DNAI7: variants seen among roughly 807,000 people sequenced by gnomAD.
DNAI7 encodes the protein dynein axonemal intermediate chain 7.
In DNAI7, 78 loss-of-function variants were observed where a neutral mutation model predicts 86.6. The ratio of observed to expected loss-of-function variants is 0.90; its 90% CI spans 0.75 to 1.09. The LOEUF is 1.09. Ranked by LOEUF, DNAI7 falls within the 50% of genes least tolerant of loss-of-function variation. The probability of loss-of-function intolerance (pLI) is 0.00; values close to 1 mark genes in which losing one functional copy is unlikely to be tolerated. For missense variants in DNAI7, 753 were observed against 810.2 expected (o/e 0.93, Z 0.86); for synonymous variants, 274 against 273.0 (o/e 1.00, Z -0.04).
intron 2 of DNAI7, among the ~76,000 whole-genome samples, chr12:25,163,930 C>T (rs999258438): frequency 6.6e-6 from 1 of 152,164 alleles, no homozygotes; most frequent in African/African-American, 2.4e-5. Context: ...ATCCATTGAC[C>T]CAAAACTCCG....
intron 2 of DNAI7, among the ~76,000 whole-genome samples, chr12:25,182,033 AT>A (rs36047649): frequency 0.55 from 81,457 of 147,158 alleles, 23,190 homozygotes; most frequent in East Asian, 0.78. Context: ...AAGAAAAGAA[AT>A]TTTTTTTTTT....
intron 15 of DNAI7, among the ~76,000 whole-genome samples, 181 bp downstream of exon 15, chr12:25,109,946 G>A (rs1196620796): frequency 6.6e-6 from 1 of 152,130 alleles, no homozygotes; most frequent in Middle Eastern, 3.2e-3. Flanking sequence ...CCATAGTGCT[G>A]GGATTACAGG....
intron 7 of DNAI7, among the ~76,000 whole-genome samples, chr12:25,149,152 T>C (rs2140909444): frequency 6.6e-6 from 1 of 152,248 alleles, no homozygotes; most frequent in African/African-American, 2.4e-5. Context: ...GGCTAATATA[T>C]ATATTAGGAT....
chr12:25,112,887 T>C (rs1301074409), intron 13 of DNAI7, among the ~76,000 whole-genome samples: 1 of 152,232 alleles, frequency 6.6e-6, no homozygotes, highest in Non-Finnish European at 1.5e-5. Flanking sequence ...ACTAGTCACA[T>C]GCAGTAGCTA....
At chr12:25,138,970 CAAGAA>C (rs1262407455) in intron 9 of DNAI7, among the ~76,000 whole-genome samples, 1 of 150,666 alleles carries the variant, frequency 6.6e-6, no homozygotes, top group Non-Finnish European at 1.5e-5. Context: ...CGAGATTAAC[CAAGAA>C]AAGAAGAGAG....
chr12:25,112,685 C>T (rs902051017), intron 13 of DNAI7, among the ~76,000 whole-genome samples: 7 of 150,274 alleles, frequency 4.7e-5, no homozygotes, highest in African/African-American at 1.2e-4. Context: ...GGATTACAGG[C>T]GTGAGCCACC....
rs1306885895 is a variant in DNAI7 at position 25,114,167 on chromosome 12, T to C, written c.1611+489A>G. ...GTTGGCCAGGCTGGTCTCGAACTGCTGACCTCAGGTGATTGCCCGCCTTGG... is the reference window on the plus strand; with the variant it reads ...GTTGGCCAGGCTGGTCTCGAACTGCCGACCTCAGGTGATTGCCCGCCTTGG... On this transcript the variant is annotated intron_variant, in intron 13 of 15. Coordinates refer to ENST00000395987, the MANE Select transcript of DNAI7 (RefSeq NM_018272.5). Among the ~76,000 whole-genome samples, 6 of 150,412 alleles carry C rather than the reference T, an allele frequency of 4.0e-5. No individual in the cohort carries two copies. The Admixed American group carries it at 4.0e-4, about 10-fold the overall frequency.
intron 2 of DNAI7, among the ~76,000 whole-genome samples, chr12:25,187,692 A>G (rs1225520148): frequency 1.3e-5 from 2 of 152,218 alleles, no homozygotes; most frequent in Non-Finnish European, 2.9e-5. Context: ...TGATGCAGCC[A>G]TGAAAAAGAG....
rs753812252 is a variant in DNAI7 at position 25,158,497 on chromosome 12, T to C, written c.173A>G (p.Glu58Gly). The C allele has an allele frequency of 3.1e-6, 5 of 1,613,166 alleles. No individual in the cohort carries two copies. The Admixed American group carries it at 8.3e-5, about 27-fold the overall frequency. The stretch of plus-strand genomic sequence containing the variant: ...TTTTGCTTCAAGTCGATGCCATTTT[T>C]CTTTCTCAATTCGCTGTATTTCAAG... ...ERLEIQRIEK[E>G]KWHRLEAKDL... The change falls in exon 4 of 16, where the codon GAA (glutamate) becomes GGA (glycine). Residue 58 changes from glutamate to glycine, a missense_variant. Transcript: ENST00000395987.
chr12:25,121,921 T>C lies in DNAI7; in HGVS notation c.1079-8A>G, dbSNP rs756492646. ...CTACCAGCAACAACTGTGCTAAAAT[T>C]AATCAGATTAACAGTTTTCAAATAG... On this transcript the variant is annotated splice_polypyrimidine_tract_variant and splice_region_variant and intron_variant, in intron 10 of 15. Coordinates refer to ENST00000395987, the MANE Select transcript of DNAI7 (RefSeq NM_018272.5). 2.6e-6 allele frequency: 4 copies of C among 1,558,380 alleles called. No homozygotes were observed. Among genetic ancestry groups the C allele is most frequent in the Non-Finnish European group, 2.6e-6 (3 of 1,156,516 alleles).
At chr12:25,162,643 C>T (rs182694352) in intron 2 of DNAI7, among the ~76,000 whole-genome samples, 104 of 152,316 alleles carry the variant, frequency 6.8e-4, no homozygotes, top group African/African-American at 2.4e-3. Context: ...ACTGGAATCT[C>T]TAATCCATTG....
At chr12:25,164,481 G>A (rs1331977033) in intron 2 of DNAI7, among the ~76,000 whole-genome samples, 1 of 151,966 alleles carries the variant, frequency 6.6e-6, no homozygotes, top group East Asian at 1.9e-4. Context: ...ACTCACACCT[G>A]ACCTAAAACC....
rs1449138285 is a variant in DNAI7 at position 25,161,003 on chromosome 12, T to C, written c.106+110A>G. ...AGATAGATACCTATTATAAAACAGATTAAATTTTAAAATTAAAGAACTTTG... is the reference window on the plus strand; with the variant it reads ...AGATAGATACCTATTATAAAACAGACTAAATTTTAAAATTAAAGAACTTTG... On this transcript the variant is annotated intron_variant, in intron 3 of 15. Transcript: ENST00000395987. The C allele has an allele frequency of 1.3e-5, 10 of 770,262 alleles. No individual in the cohort carries two copies. In the East Asian group the frequency reaches 1.3e-4, roughly 10 times the overall value. The allele number at this position is 770,262 out of a possible 1,614,324, so 47.7% of individuals were successfully genotyped here.
chr12:25,170,221 T>A (rs537518645), intron 2 of DNAI7, among the ~76,000 whole-genome samples: 40 of 151,776 alleles, frequency 2.6e-4, no homozygotes, highest in African/African-American at 9.7e-4. Context: ...TGAAACTCTG[T>A]CTCTACTAAA....
chr12:25,167,306 C>G (rs140960280), intron 2 of DNAI7, among the ~76,000 whole-genome samples: 17,508 of 151,948 alleles, frequency 0.12, 1,364 homozygotes, highest in Admixed American at 0.16. Context: ...TATTCAGTCC[C>G]CCTCCCTTCC....
At position 25,190,625 on chromosome 12, in the gene DNAI7, T is replaced by C. The variant is rs754365535; in HGVS notation, c.10A>G (p.Lys4Glu). ...AAAATTCTACATACCTTTTTTGCTTTGGGACCCTAAAAGTTGGAAAACAAA... is the reference window on the plus strand; with the variant it reads ...AAAATTCTACATACCTTTTTTGCTTCGGGACCCTAAAAGTTGGAAAACAAA... MGP[K>E]AKKSGSKKKK... Residue 4 changes from lysine to glutamate, a missense_variant, in exon 2 of 16, where the codon AAA (lysine) becomes GAA (glutamate). Coordinates refer to ENST00000395987, the MANE Select transcript of DNAI7 (RefSeq NM_018272.5). 7.8e-6 allele frequency: 11 copies of C among 1,414,964 alleles called. No individual in the cohort carries two copies. Among genetic ancestry groups the C allele is most frequent in the Non-Finnish European group, 1.1e-5 (11 of 1,034,096 alleles). 87.7% of individuals were successfully genotyped at this position (1,414,964 alleles called of 1,614,324 possible).
At chr12:25,173,150 A>T (rs183317713) in intron 2 of DNAI7, among the ~76,000 whole-genome samples, 1 of 152,100 alleles carries the variant, frequency 6.6e-6, no homozygotes, top group Non-Finnish European at 1.5e-5. Context: ...CAGTCAGCAG[A>T]GTAAACAGAC....
rs775451510 is a variant in DNAI7, at chr12:25,108,826, A to T, written c.1894-3T>A. ...GCTTCAGTAAGGTGTTCCCTCACCT[A>T]AAAAAAAAAAAAATTCAAGCAAGTT... On this transcript the variant is annotated splice_polypyrimidine_tract_variant and splice_region_variant and intron_variant, in intron 15 of 15. Coordinates refer to ENST00000395987, the MANE Select transcript of DNAI7 (RefSeq NM_018272.5). 2.1e-6 allele frequency: 2 copies of T among 941,356 alleles called. No individual in the cohort carries two copies. Among genetic ancestry groups the T allele is most frequent in the Admixed American group, 4.4e-5 (1 of 22,784 alleles). The allele number at this position is 941,356 out of a possible 1,614,324, so 58.3% of individuals were successfully genotyped here.
intron 2 of DNAI7, among the ~76,000 whole-genome samples, chr12:25,185,155 A>C (rs971644820): frequency 6.6e-6 from 1 of 151,956 alleles, no homozygotes; most frequent in Admixed American, 6.6e-5. Context: ...AAATAAAATA[A>C]ACAAAAAACA....
Sources: gnomAD v4.1 joint callset for allele counts (sites outside exome capture counted in the v4.1 genomes callset) on GRCh38, gnomAD v4.1.1 for gene constraint, MANE v1.5 for transcripts, NCBI Gene and HGNC (gene_info 2026-07-23, HGNC 2026-07-21) for gene names.